Variants in USO1 observed in about 807,000 individuals in gnomAD.
The protein encoded by USO1 is USO1 vesicle transport factor.
Under a neutral mutation model 124.5 loss-of-function variants are expected in USO1, and 57 were observed. The observed-to-expected ratio is 0.46, with a 90% CI of 0.37 to 0.57. The LOEUF is 0.57. Ranked by LOEUF, USO1 falls within the 20% of genes least tolerant of loss-of-function variation. The pLI, the probability that USO1 is intolerant of heterozygous loss-of-function variation, is 0.00. For synonymous variants in USO1, 369 were observed against 362.8 expected (o/e 1.02, Z -0.19); for missense variants, 900 against 1,040.6 (o/e 0.86, Z 1.86).
intron 8 of USO1, among the ~76,000 whole-genome samples, chr4:75,780,065 A>T (rs1474059099): frequency 6.6e-6 from 1 of 152,176 alleles, no homozygotes; most frequent in African/African-American, 2.4e-5. Flanking sequence ...ATGGACAACA[A>T]AGCCTGGAAG....
intron 8 of USO1, among the ~76,000 whole-genome samples, chr4:75,776,847 G>A (rs1377627388): frequency 1.3e-5 from 2 of 152,022 alleles, no homozygotes; most frequent in Non-Finnish European, 2.9e-5. Context: ...GGTTAAATCA[G>A]GAATTCTTGA....
At chr4:75,743,351 A>G (rs1204974986) in intron 1 of USO1, among the ~76,000 whole-genome samples, 1 of 152,094 alleles carries the variant, frequency 6.6e-6, no homozygotes, top group Non-Finnish European at 1.5e-5. Context: ...ATACTCATTG[A>G]GTCGGTTTTC....
At position 75,800,819 on chromosome 4, in the gene USO1, T is replaced by C; in HGVS notation, c.1864+20T>C. On this transcript the variant is annotated intron_variant, in intron 16 of 23. Coordinates refer to ENST00000514213, the MANE Select transcript of USO1 (RefSeq NM_003715.4). The stretch of plus-strand genomic sequence containing the variant: ...TTGAAGGTAAGACTGAAGATTTATA[T>C]TGATATTTGATGGAAAGTAATTATA... 3.1e-6 allele frequency: 5 copies of C among 1,602,328 alleles called. No individual in the cohort carries two copies. The highest frequency in any genetic ancestry group is 4.3e-6 in the Non-Finnish European group (5 of 1,174,048).
intron 3 of USO1, among the ~76,000 whole-genome samples, chr4:75,756,362 T>C (rs999105528): frequency 1.9e-4 from 29 of 152,220 alleles, no homozygotes; most frequent in African/African-American, 2.9e-4. Flanking sequence ...TACATACTTA[T>C]AATCTTCTTT....
At chr4:75,807,030 A>G (rs1461129914) in intron 20 of USO1, among the ~76,000 whole-genome samples, 1 of 152,162 alleles carries the variant, frequency 6.6e-6, no homozygotes, top group Non-Finnish European at 1.5e-5. Flanking sequence ...GACTCCAGCT[A>G]AAAAGCAAAA....
At chr4:75,798,448 A>G (rs1268564673) in intron 13 of USO1, among the ~76,000 whole-genome samples, 2 of 152,174 alleles carry the variant, frequency 1.3e-5, no homozygotes, top group African/African-American at 4.8e-5. Context: ...TTAACTTTCC[A>G]ATTTACATGG....
Position 75,757,084 on chromosome 4 carries a change from A to G in USO1, c.219-413A>G, listed in dbSNP as rs541872373. Among the ~76,000 whole-genome samples the G allele has an allele frequency of 1.0e-3, 146 of 140,338 alleles. 2 individuals are homozygous for G. Among genetic ancestry groups the G allele is most frequent in the Non-Finnish European group, 2.4e-4 (16 of 65,832 alleles). 92.1% of individuals were successfully genotyped at this position (140,338 alleles called of 152,430 possible). ...TGTTTTAAAATATGCATAGATACAA[A>G]CGTATACATATATATTTTACTAAAT... is the stretch of plus-strand genomic sequence containing the variant. On this transcript the variant is annotated intron_variant, in intron 3 of 23. Coordinates refer to ENST00000514213, the MANE Select transcript of USO1 (RefSeq NM_003715.4).
intron 1 of USO1, among the ~76,000 whole-genome samples, chr4:75,751,910 A>G (rs896458966): frequency 3.3e-5 from 5 of 152,184 alleles, no homozygotes; most frequent in Admixed American, 2.6e-4. Context: ...TTTGAGGCAC[A>G]CTTAAAAGTT....
chr4:75,749,373 A>T (rs1199448955), intron 1 of USO1, among the ~76,000 whole-genome samples: 2 of 152,088 alleles, frequency 1.3e-5, no homozygotes, highest in African/African-American at 4.8e-5. Flanking sequence ...CAGAATCTTT[A>T]AAGAATATAA....
chr4:75,745,433 G>A (rs919815445), intron 1 of USO1: 3 of 496,970 alleles, frequency 6.0e-6, no homozygotes, highest in Non-Finnish European at 1.2e-5. Context: ...TGCAGTCCCT[G>A]TAGTTCGCAA....
At chr4:75,762,685 T>G (rs1231037166) in intron 4 of USO1, among the ~76,000 whole-genome samples, 1 of 152,014 alleles carries the variant, frequency 6.6e-6, no homozygotes, top group Non-Finnish European at 1.5e-5. Context: ...TGCCAGCACT[T>G]TGGGAGGCTG....
At chr4:75,791,460 G>T (rs2149182183) in intron 12 of USO1, among the ~76,000 whole-genome samples, 1 of 152,318 alleles carries the variant, frequency 6.6e-6, no homozygotes, top group East Asian at 1.9e-4. Flanking sequence ...GGAGGCAGAG[G>T]TTGCAGTGAG....
At chr4:75,789,406 TA>T (rs745769415) in intron 10 of USO1, among the ~76,000 whole-genome samples, 1 of 152,146 alleles carries the variant, frequency 6.6e-6, no homozygotes, top group Non-Finnish European at 1.5e-5. Flanking sequence ...GCCTCACAAG[TA>T]ATGGGGATTA....
intron 5 of USO1, 132 bp from the exon 6 acceptor site, chr4:75,770,690 A>G (rs1357724223): frequency 1.4e-6 from 2 of 1,456,628 alleles, no homozygotes; most frequent in Admixed American, 2.6e-5. Flanking sequence ...TTCAAGAACT[A>G]TGTAATCACT....
intron 13 of USO1, among the ~76,000 whole-genome samples, chr4:75,798,167 CTCT>C (rs1722742750): frequency 6.6e-6 from 1 of 151,544 alleles, no homozygotes; most frequent in South Asian, 2.1e-4. Context: ...TTTGACTTTG[CTCT>C]TCTTATCCTT....
At chr4:75,809,072 C>G in intron 21 of USO1, 21 bp downstream of exon 21, 1 of 1,549,984 alleles carries the variant, frequency 6.5e-7, no homozygotes, top group Non-Finnish European at 8.7e-7. Flanking sequence ...TCTCTTTTTT[C>G]TCTGGAAGGT....
At chr4:75,731,598 A>G (rs1002323624) in intron 1 of USO1, among the ~76,000 whole-genome samples, 1 of 152,156 alleles carries the variant, frequency 6.6e-6, no homozygotes, top group Non-Finnish European at 1.5e-5. Flanking sequence ...ATCTAAAACA[A>G]TAATATTTTT....
At chr4:75,746,714 A>C (rs1199764651) in intron 1 of USO1, among the ~76,000 whole-genome samples, 1 of 152,162 alleles carries the variant, frequency 6.6e-6, no homozygotes, top group African/African-American at 2.4e-5. Flanking sequence ...TATTGTTAGG[A>C]GGTAATAAGG....
intron 17 of USO1, 61 bp from the exon 18 acceptor site, chr4:75,804,073 T>C: frequency 6.4e-7 from 1 of 1,550,414 alleles, no homozygotes; most frequent in Non-Finnish European, 8.7e-7. Flanking sequence ...TAAAATGTGT[T>C]CACCTTCTTA....
Sources: allele counts gnomAD v4.1 joint callset (sites outside exome capture counted in the v4.1 genomes callset), GRCh38; gene constraint gnomAD v4.1.1; transcripts MANE v1.5; gene names NCBI Gene and HGNC (gene_info 2026-07-23, HGNC 2026-07-21).